The following TRIM55 variants were observed in gnomAD, a reference collection of about 807,000 sequenced individuals.
TRIM55 encodes tripartite motif-containing protein 55.
TRIM55 carries 50 observed loss-of-function variants against 60.9 expected under a neutral mutation model. The ratio of observed to expected loss-of-function variants is 0.82; its 90% CI spans 0.65 to 1.04. The LOEUF (loss-of-function observed/expected upper bound fraction) is 1.04, where lower values mean the gene tolerates loss of function less well. Among genes scored for constraint, TRIM55 ranks in the 50% least tolerant of loss-of-function variants. TRIM55 has a pLI of 0.00. For synonymous variants in TRIM55, 237 were observed against 238.1 expected (o/e 1.00, Z 0.04); for missense variants, 681 against 666.9 (o/e 1.02, Z -0.23).
At chr8:66,155,536 A>G in intron 9 of TRIM55, 1 of 1,069,858 alleles carries the variant, frequency 9.3e-7, no homozygotes. Context: ...AGTAGGGCTC[A>G]AGCCAAAATG....
chr8:66,114,386 A>C, the TRIM55 span, among the ~76,000 whole-genome samples: 12 of 152,154 alleles, frequency 7.9e-5, no homozygotes, highest in Non-Finnish European at 1.6e-4. Flanking sequence ...CTTCCCAGAC[A>C]ATGAGTGGTG....
At chr8:66,164,188 C>G (rs1811198287) in intron 9 of TRIM55, among the ~76,000 whole-genome samples, 1 of 152,122 alleles carries the variant, frequency 6.6e-6, no homozygotes, top group African/African-American at 2.4e-5. Context: ...TTCCACATGG[C>G]AGGCCATGGG....
rs933303914 is a variant in TRIM55, at chr8:66,152,200, C to T, written c.986-177C>T. 72 of 785,246 alleles carry T rather than the reference C, an allele frequency of 9.2e-5. 1 individual carries two copies. In the East Asian group the frequency reaches 1.9e-3, roughly 21 times the overall value. 48.6% of individuals were successfully genotyped at this position (785,246 alleles called of 1,614,324 possible). A position where few individuals can be genotyped will look rare whatever the true frequency, so the allele number is the denominator to read the frequency against. Reference sequence around the variant, plus strand: ...GATGGTTCCTTCACATTTGTCCAGTCCACATTCCACTAGAAGCACAAAGCC... The same window carrying T: ...GATGGTTCCTTCACATTTGTCCAGTTCACATTCCACTAGAAGCACAAAGCC... On this transcript the variant is annotated intron_variant, in intron 7 of 9. Transcript: ENST00000315962.
chr8:66,127,235 C>G lies in TRIM55; in HGVS notation c.-34C>G, dbSNP rs746466393. On this transcript the variant is annotated 5_prime_UTR_variant, in exon 1 of 10. Transcript: ENST00000315962. ...ACTTGCTGGAGCCACTCGCAGCACC[C>G]TTCCCTGGCAGCACACTTGGGGACA... 5 of 1,600,380 alleles carry G rather than the reference C, an allele frequency of 3.1e-6. No homozygotes were observed. Among genetic ancestry groups the G allele is most frequent in the Non-Finnish European group, 4.3e-6 (5 of 1,171,058 alleles).
At chr8:66,165,427 A>T (rs1811275332) in intron 9 of TRIM55, among the ~76,000 whole-genome samples, 1 of 150,704 alleles carries the variant, frequency 6.6e-6, no homozygotes, top group Non-Finnish European at 1.5e-5. Context: ...CAAAGCATTA[A>T]AAAAAAAAAC....
intron 9 of TRIM55, among the ~76,000 whole-genome samples, chr8:66,157,744 A>T (rs547557026): frequency 6.6e-6 from 1 of 152,270 alleles, no homozygotes; most frequent in South Asian, 2.1e-4. Context: ...CTTTCCTTAC[A>T]TCCATGTACA....
the TRIM55 span, chr8:66,113,737 C>G: frequency 2.8e-6 from 1 of 359,292 alleles, no homozygotes; most frequent in South Asian, 2.0e-5. Context: ...GCCCGGGCCC[C>G]GAGTCACACA....
intron 9 of TRIM55, among the ~76,000 whole-genome samples, chr8:66,173,485 A>C (rs1811754885): frequency 6.6e-6 from 1 of 152,230 alleles, no homozygotes; most frequent in East Asian, 1.9e-4. Context: ...TCGCAGCTTC[A>C]TAAAATCATC....
chr8:66,154,333 AG>A lies in TRIM55; in HGVS notation c.1524+1del. Reference protein sequence around the residue: ...KETSAPAATSQIGFEAPPLQG... With the variant: ...KETSAPAATSXIGFEAPPLQG... ...ACTAGTGCACCTGCAGCTACTTCTC[AG>A]GTTAGTGATGATGCACTTGTGTCTA... On this transcript the variant is annotated frameshift_variant and splice_region_variant, in exon 9 of 10. Transcript: ENST00000315962. LOFTEE classifies it high-confidence loss of function. 3 of 1,613,550 alleles carry A rather than the reference AG, an allele frequency of 1.9e-6. No homozygotes were observed. The highest frequency in any genetic ancestry group is 1.3e-5 in the African/African-American group (1 of 75,022).
At position 66,137,149 on chromosome 8, in the gene TRIM55, G is replaced by A; in HGVS notation, c.562G>A (p.Gly188Arg). The change falls in exon 4 of 10, where the codon GGA (glycine) becomes AGA (arginine). Residue 188 changes from glycine (G) to arginine (R), a missense_variant. Gly to Arg is a moderately radical substitution (Grantham distance 125). Transcript: ENST00000315962. ...ILVGSNDRVQ[G>R]VISQLEDTCK... ...CGTGGGCAGCAACGATCGAGTCCAGGGAGTGATCAGCCAGCTGGAAGACAC... is the reference window on the plus strand; with the variant it reads ...CGTGGGCAGCAACGATCGAGTCCAGAGAGTGATCAGCCAGCTGGAAGACAC... 1.2e-6 allele frequency: 2 copies of A among 1,614,160 alleles called. No individual in the cohort carries two copies. Among genetic ancestry groups the A allele is most frequent in the Non-Finnish European group, 1.7e-6 (2 of 1,180,024 alleles).
intron 9 of TRIM55, 71 bp downstream of exon 9, chr8:66,154,405 A>G (rs1020498944): frequency 2.6e-5 from 39 of 1,511,740 alleles, no homozygotes; most frequent in Non-Finnish European, 3.4e-5. Context: ...GGCCACAGCA[A>G]GAAGAAAAAG....
At chr8:66,165,183 TG>T (rs1266575649) in intron 9 of TRIM55, among the ~76,000 whole-genome samples, 2 of 152,154 alleles carry the variant, frequency 1.3e-5, no homozygotes, top group Non-Finnish European at 2.9e-5. Flanking sequence ...GGATGGACAA[TG>T]GGCCAAAGTT....
intron 9 of TRIM55, among the ~76,000 whole-genome samples, chr8:66,161,465 C>T (rs1272282704): frequency 6.6e-6 from 1 of 152,026 alleles, no homozygotes; most frequent in Non-Finnish European, 1.5e-5. Context: ...AATGTGATGC[C>T]TACTGATTTG....
At chr8:66,135,274 C>T (rs2128974727) in intron 3 of TRIM55, 119 bp downstream of exon 3, 1 of 1,035,818 alleles carries the variant, frequency 9.7e-7, no homozygotes, top group African/African-American at 1.6e-5. Flanking sequence ...CACGCAGGGC[C>T]ATGGGACACT....
intron 4 of TRIM55, among the ~76,000 whole-genome samples, chr8:66,143,166 G>A (rs1011937635): frequency 3.3e-5 from 5 of 152,226 alleles, no homozygotes; most frequent in Non-Finnish European, 5.9e-5. Context: ...TCAGTGACAA[G>A]TGGTGGGTCT....
chr8:66,163,292 G>T (rs971774056), intron 9 of TRIM55, among the ~76,000 whole-genome samples: 2 of 151,926 alleles, frequency 1.3e-5, no homozygotes, highest in Non-Finnish European at 2.9e-5. Flanking sequence ...TGCTCTTAAT[G>T]ATTTTCTTCA....
chr8:66,128,448 AT>A lies in TRIM55; in HGVS notation c.315del (p.Ile105MetfsTer33). The A allele has an allele frequency of 6.2e-7, 1 of 1,613,598 alleles. No homozygotes were observed. Among genetic ancestry groups the A allele is most frequent in the Non-Finnish European group, 8.5e-7 (1 of 1,179,778 alleles). On this transcript the variant is annotated frameshift_variant, in exon 2 of 10. Coordinates refer to ENST00000315962, the MANE Select transcript of TRIM55 (RefSeq NM_184085.2). LOFTEE classifies it high-confidence loss of function. ...LQRNLLVENIIDIYKQESTRP... is the reference protein window; with the variant it reads ...LQRNLLVENIXDIYKQESTRP... ...GAGGAACCTGCTGGTGGAAAATATC[AT>A]TGACATCTACAAGCAGGAGTCCACC...
intron 8 of TRIM55, among the ~76,000 whole-genome samples, chr8:66,153,166 C>T (rs1810542318): frequency 6.6e-6 from 1 of 152,074 alleles, no homozygotes; most frequent in South Asian, 2.1e-4. Flanking sequence ...CTGTTGCTTA[C>T]CCTGAAATAC....
chr8:66,138,785 T>C (rs531894775), intron 4 of TRIM55, among the ~76,000 whole-genome samples: 2 of 152,228 alleles, frequency 1.3e-5, no homozygotes, highest in Non-Finnish European at 2.9e-5. Flanking sequence ...GTACCTATCT[T>C]ATAGAGTTAC....
Sources: allele counts gnomAD v4.1 joint callset (sites outside exome capture counted in the v4.1 genomes callset), GRCh38; gene constraint gnomAD v4.1.1; transcripts MANE v1.5; gene names NCBI Gene and HGNC (gene_info 2026-07-23, HGNC 2026-07-21).